The following ERCC6 variants were observed in gnomAD, a reference collection of about 807,000 sequenced individuals.
ERCC6 encodes the protein ERCC excision repair 6, chromatin remodeling factor, also known as DNA excision repair protein ERCC-6.
Under a neutral mutation model 158.7 loss-of-function variants are expected in ERCC6, and 116 were observed. The ratio of observed to expected loss-of-function variants is 0.73; its 90% CI spans 0.63 to 0.85. The LOEUF (loss-of-function observed/expected upper bound fraction) is 0.85. Ranked by LOEUF, ERCC6 falls within the 40% of genes least tolerant of loss-of-function variation. ERCC6 has a pLI of 0.00. For missense variants in ERCC6, 1,698 were observed against 1,799.4 expected (o/e 0.94, Z 1.02); for synonymous variants, 678 against 659.3 (o/e 1.03, Z -0.43).
intron 3 of ERCC6, among the ~76,000 whole-genome samples, chr10:49,528,826 G>C (rs1564445285): frequency 6.6e-6 from 1 of 152,144 alleles, no homozygotes; most frequent in Non-Finnish European, 1.5e-5. Context: ...GCACTGACCT[G>C]AAAGGTGGAC....
At position 49,455,532 on chromosome 10, in the gene ERCC6, T is replaced by TG. The variant is rs907431462; in HGVS notation, c.*3282dup. On this transcript the variant is annotated 3_prime_UTR_variant, in exon 21 of 21. Coordinates refer to ENST00000355832, the MANE Select transcript of ERCC6 (RefSeq NM_000124.4). ...GCACCAAATGACAGCGTGAGGAGTG[T>TG]GGTTGGTAGAACCAACACCTGGATC... 6.6e-6 allele frequency: 1 copy of TG among 152,240 alleles called. No individual in the cohort carries two copies. The highest frequency in any genetic ancestry group is 2.4e-5 in the African/African-American group (1 of 41,466). The allele number at this position is 152,240 out of a possible 1,614,324, so 9.4% of individuals were successfully genotyped here.
At chr10:49,499,907 A>G (rs1044300211) in intron 7 of ERCC6, among the ~76,000 whole-genome samples, 9 of 139,862 alleles carry the variant, frequency 6.4e-5, no homozygotes, top group African/African-American at 2.0e-4. Context: ...ACGTTTTGGC[A>G]TTAGAATTTA....
chr10:49,510,987 AGT>A (rs1383665062), intron 5 of ERCC6, among the ~76,000 whole-genome samples: 2 of 151,992 alleles, frequency 1.3e-5, no homozygotes, highest in African/African-American at 4.8e-5. Flanking sequence ...ACATCAGAGA[AGT>A]TCTTAATTTA....
chr10:49,445,896 G>A, the ERCC6 span, among the ~76,000 whole-genome samples: 1 of 152,100 alleles, frequency 6.6e-6, no homozygotes, highest in East Asian at 1.9e-4. Context: ...ATACAGGTAT[G>A]GCCTCAGAAA....
At chr10:49,444,721 TG>T in the ERCC6 span, among the ~76,000 whole-genome samples, 1 of 152,226 alleles carries the variant, frequency 6.6e-6, no homozygotes, top group Non-Finnish European at 1.5e-5. Flanking sequence ...GAAATGTGCA[TG>T]TAATTCCTAT....
chr10:49,483,555 A>G (rs1479557638), intron 8 of ERCC6, 39 bp from the exon 9 acceptor site: 4 of 1,590,886 alleles, frequency 2.5e-6, no homozygotes, highest in Non-Finnish European at 3.4e-6. Flanking sequence ...GTTTTAAATA[A>G]GAAGTGACAC....
chr10:49,440,507 A>G, the ERCC6 span, among the ~76,000 whole-genome samples: 1 of 152,186 alleles, frequency 6.6e-6, no homozygotes, highest in Non-Finnish European at 1.5e-5. Flanking sequence ...TCAGAGAGTT[A>G]CCTCTGCAGA....
At chr10:49,460,863 C>T (rs761115470) in intron 19 of ERCC6, among the ~76,000 whole-genome samples, 2 of 151,430 alleles carry the variant, frequency 1.3e-5, no homozygotes, top group East Asian at 1.9e-4. Context: ...CACTCCAGCC[C>T]GGGCGAAAGG....
rs1368056413 is a variant in ERCC6, at chr10:49,532,928, G to C, written c.37C>G (p.Gln13Glu). 6.2e-7 allele frequency: 1 copy of C among 1,614,196 alleles called. No individual in the cohort carries two copies. The highest frequency in any genetic ancestry group is 8.5e-7 in the Non-Finnish European group (1 of 1,180,048). The change falls in exon 2 of 21, where the codon CAG becomes GAG. Residue 13 changes from glutamine to glutamate, a missense_variant. Coordinates refer to ENST00000355832, the MANE Select transcript of ERCC6 (RefSeq NM_000124.4). Reference protein sequence around the residue: ...NEGIPHSSQTQEQDCLQSQPV... With the variant: ...NEGIPHSSQTEEQDCLQSQPV... ...TGACTCTGTAAACAGTCTTGCTCCT[G>C]AGTTTGACTTGAGTGGGGGATTCCC...
At chr10:49,438,775 T>A in the ERCC6 span, among the ~76,000 whole-genome samples, 1 of 152,138 alleles carries the variant, frequency 6.6e-6, no homozygotes, top group African/African-American at 2.4e-5. Context: ...AGAATGGAGG[T>A]ACAGGTATTG....
chr10:49,521,880 G>A (rs1837174368), intron 5 of ERCC6, among the ~76,000 whole-genome samples: 1 of 152,214 alleles, frequency 6.6e-6, no homozygotes, highest in Non-Finnish European at 1.5e-5. Flanking sequence ...GTAAGTATCA[G>A]CTAAAACAAA....
intron 5 of ERCC6, 130 bp downstream of exon 5, chr10:49,523,903 G>A: frequency 7.2e-7 from 1 of 1,381,472 alleles, no homozygotes; most frequent in Non-Finnish European, 9.9e-7. Flanking sequence ...TAAGGCTGCA[G>A]AAATCCAACC....
intron 11 of ERCC6, among the ~76,000 whole-genome samples, 181 bp from the exon 12 acceptor site, chr10:49,476,491 C>T (rs530467765): frequency 2.0e-5 from 3 of 152,242 alleles, no homozygotes; most frequent in Middle Eastern, 3.4e-3. Flanking sequence ...TGCTCACCAG[C>T]CCCTCCATCT....
At chr10:49,437,829 T>C in the ERCC6 span, among the ~76,000 whole-genome samples, 2 of 152,124 alleles carry the variant, frequency 1.3e-5, no homozygotes, top group East Asian at 3.9e-4. Context: ...AAGAAAAACA[T>C]GGAAATAGTC....
At chr10:49,494,978 C>A (rs1851239590) in intron 7 of ERCC6, among the ~76,000 whole-genome samples, 1 of 152,168 alleles carries the variant, frequency 6.6e-6, no homozygotes. Context: ...CAATTTGAGG[C>A]CAGGTTTCAC....
intron 5 of ERCC6, chr10:49,517,102 G>C: frequency 6.3e-7 from 1 of 1,594,532 alleles, no homozygotes; most frequent in Non-Finnish European, 8.6e-7. Flanking sequence ...TGTAAACTTA[G>C]TGTTCGAGGC....
At chr10:49,467,067 C>A (rs1850690790) in intron 18 of ERCC6, among the ~76,000 whole-genome samples, 1 of 152,204 alleles carries the variant, frequency 6.6e-6, no homozygotes, top group South Asian at 2.1e-4. Context: ...AGGCGTGAGC[C>A]AAGCCCCACC....
chr10:49,441,967 G>C, the ERCC6 span, among the ~76,000 whole-genome samples: 7 of 152,278 alleles, frequency 4.6e-5, no homozygotes, highest in East Asian at 1.4e-3. Flanking sequence ...TCCCGGGAGC[G>C]GCAGAAACGA....
chr10:49,464,605 G>C (rs1332176494), intron 18 of ERCC6, among the ~76,000 whole-genome samples: 4 of 152,198 alleles, frequency 2.6e-5, no homozygotes, highest in Non-Finnish European at 4.4e-5. Context: ...GAGGCCCAGG[G>C]GGAAAAAGTG....
Sources: allele counts gnomAD v4.1 joint callset (sites outside exome capture counted in the v4.1 genomes callset), GRCh38; gene constraint gnomAD v4.1.1; transcripts MANE v1.5; gene names NCBI Gene and HGNC (gene_info 2026-07-23, HGNC 2026-07-21).